CSMD1: variants seen among roughly 807,000 people sequenced by gnomAD.
CSMD1 encodes the protein CUB and Sushi multiple domains 1, also known as CUB and sushi domain-containing protein 1.
A neutral mutation model predicts 417.5 loss-of-function variants in CSMD1; 213 were observed. That is an observed-to-expected ratio of 0.51 (90% CI 0.46 to 0.57). The LOEUF (loss-of-function observed/expected upper bound fraction) is 0.57. CSMD1 is among the 20% of genes least tolerant of loss of function. CSMD1 has a pLI of 0.00. For missense variants in CSMD1, 6,923 were observed against 4,529.7 expected, an observed-to-expected ratio of 1.53 and a Z score of -15.17; for synonymous variants, 2,862 against 1,736.8, an observed-to-expected ratio of 1.65 and a Z score of -16.11.
At position 4,060,589 on chromosome 8, in the gene CSMD1, T is replaced by A. The variant is rs940219849; in HGVS notation, c.416-28490A>T. On this transcript the variant is annotated intron_variant, in intron 3 of 69. Transcript: ENST00000635120. ...AATGAGTTCCAGGGGAAGGTCATTC[T>A]GGGTTTCGGAACTGTCCCAGCCACC... Among the ~76,000 whole-genome samples, 5 of 152,320 alleles carry A rather than the reference T, an allele frequency of 3.3e-5. No homozygotes were observed. In the East Asian group the frequency reaches 9.7e-4, roughly 29 times the overall value.
At chr8:4,472,419 A>C (rs1222644047) in intron 2 of CSMD1, among the ~76,000 whole-genome samples, 2 of 152,102 alleles carry the variant, frequency 1.3e-5, no homozygotes, top group Non-Finnish European at 2.9e-5. Context: ...TTTTATTTTA[A>C]AGGTATATGT....
intron 30 of CSMD1, among the ~76,000 whole-genome samples, chr8:3,206,132 T>C (rs1170622484): frequency 3.9e-5 from 6 of 152,118 alleles, no homozygotes; most frequent in Non-Finnish European, 8.8e-5. Context: ...TTACTAATGC[T>C]TTTGGGGTCT....
chr8:3,917,324 A>C (rs1808898540), intron 5 of CSMD1, among the ~76,000 whole-genome samples: 1 of 152,066 alleles, frequency 6.6e-6, no homozygotes, highest in Non-Finnish European at 1.5e-5. Flanking sequence ...CTCAGGAGTG[A>C]ATGCTAAGTT....
At chr8:4,614,070 G>T (rs1292847784) in intron 2 of CSMD1, among the ~76,000 whole-genome samples, 2 of 152,078 alleles carry the variant, frequency 1.3e-5, no homozygotes, top group African/African-American at 4.8e-5. Flanking sequence ...ATAGAGCCAA[G>T]ATTTGACAGT....
At chr8:4,796,067 G>A (rs1350366486) in intron 1 of CSMD1, among the ~76,000 whole-genome samples, 1 of 152,106 alleles carries the variant, frequency 6.6e-6, no homozygotes, top group African/African-American at 2.4e-5. Context: ...AGAGCCACTG[G>A]CATTACAAAG....
chr8:4,292,623 A>G (rs1797436891), intron 3 of CSMD1, among the ~76,000 whole-genome samples: 1 of 152,070 alleles, frequency 6.6e-6, no homozygotes, highest in Admixed American at 6.6e-5. Flanking sequence ...ACATGTTGAT[A>G]TTTTCTGTGC....
At chr8:3,747,372 T>A (rs1406475606) in intron 6 of CSMD1, among the ~76,000 whole-genome samples, 1 of 131,278 alleles carries the variant, frequency 7.6e-6, no homozygotes, top group Non-Finnish European at 1.6e-5. Context: ...GTTCTGATCA[T>A]CTTTGAAAAC....
chr8:3,316,851 T>A (rs572039400), intron 23 of CSMD1, among the ~76,000 whole-genome samples: 17 of 152,124 alleles, frequency 1.1e-4, no homozygotes, highest in African/African-American at 4.1e-4. Context: ...ATATTCGTAT[T>A]TCAGAGAGAT....
chr8:3,243,029 A>T (rs570798051), intron 26 of CSMD1, among the ~76,000 whole-genome samples: 8 of 152,090 alleles, frequency 5.3e-5, no homozygotes, highest in Non-Finnish European at 1.0e-4. Flanking sequence ...CACGGATAAA[A>T]CGTGTCTCCT....
At chr8:3,335,366 G>A (rs535773475) in intron 23 of CSMD1, among the ~76,000 whole-genome samples, 1 of 152,274 alleles carries the variant, frequency 6.6e-6, no homozygotes, top group Non-Finnish European at 1.5e-5. Flanking sequence ...GACACAAATG[G>A]TCTCACATTT....
intron 8 of CSMD1, among the ~76,000 whole-genome samples, chr8:3,588,403 G>C (rs1331455985): frequency 3.9e-5 from 6 of 152,092 alleles, no homozygotes; most frequent in Non-Finnish European, 7.3e-5. Context: ...TGGAATTTCA[G>C]TGTGGCCACT....
In CSMD1 at chr8:4,777,362, G is replaced by A. The variant is rs572833757; in HGVS notation, c.86-139804C>T. ...GTGCCTTTGGTAGATGAGATGTCTG[G>A]TTTTGAGCTTGGGGATGATGAAGAG... On this transcript the variant is annotated intron_variant, in intron 1 of 69. Transcript: ENST00000635120. 1.1e-4 allele frequency among the ~76,000 whole-genome samples: 17 copies of A among 152,276 alleles called. No homozygotes were observed. In the East Asian group the frequency reaches 2.7e-3, roughly 24 times the overall value.
intron 12 of CSMD1, among the ~76,000 whole-genome samples, chr8:3,435,728 C>T (rs190252895): frequency 8.5e-5 from 13 of 152,306 alleles, no homozygotes; most frequent in African/African-American, 2.2e-4. Context: ...ACACCCTACA[C>T]GTCACTCAAT....
At chr8:4,876,761 G>C (rs1020176938) in intron 1 of CSMD1, among the ~76,000 whole-genome samples, 1 of 151,930 alleles carries the variant, frequency 6.6e-6, no homozygotes, top group African/African-American at 2.4e-5. Flanking sequence ...GTTTACATCT[G>C]GAGTCATTTC....
Position 2,998,194 on chromosome 8 carries a change from GAC to G in CSMD1, c.8204-12_8204-11del. ...TGACCACATGTGATGGCTGTAGAGA[GAC>G]AGGTCAACGTCATTGTTAAATATTG... On this transcript the variant is annotated splice_polypyrimidine_tract_variant and intron_variant, in intron 53 of 69. Coordinates refer to ENST00000635120, the MANE Select transcript of CSMD1 (RefSeq NM_033225.6). The G allele has an allele frequency of 6.2e-7, 1 of 1,613,272 alleles. No homozygotes were observed. The highest frequency in any genetic ancestry group is 8.5e-7 in the Non-Finnish European group (1 of 1,179,370).
chr8:4,541,575 C>T (rs973223421), intron 2 of CSMD1, among the ~76,000 whole-genome samples: 1 of 151,812 alleles, frequency 6.6e-6, no homozygotes, highest in Non-Finnish European at 1.5e-5. Flanking sequence ...TGGTAAAACC[C>T]TGTCTGTACT....
At chr8:4,633,359 G>C (rs1204814542) in intron 2 of CSMD1, among the ~76,000 whole-genome samples, 1 of 151,822 alleles carries the variant, frequency 6.6e-6, no homozygotes, top group African/African-American at 2.4e-5. Flanking sequence ...CCAGTCTCCT[G>C]CCTCACCCTC....
chr8:4,387,620 G>C (rs1032935253), intron 3 of CSMD1, among the ~76,000 whole-genome samples: 141 of 95,940 alleles, frequency 1.5e-3, no homozygotes, highest in African/African-American at 5.2e-3. Flanking sequence ...GTATTTTTAA[G>C]AATTTAATAT....
chr8:4,150,480 T>C (rs1042945856), intron 3 of CSMD1, among the ~76,000 whole-genome samples: 5 of 152,186 alleles, frequency 3.3e-5, no homozygotes, highest in African/African-American at 1.2e-4. Context: ...GCTAACAGAA[T>C]TTTTCACAAC....
Sources: allele counts gnomAD v4.1 joint callset (sites outside exome capture counted in the v4.1 genomes callset), GRCh38; gene constraint gnomAD v4.1.1; transcripts MANE v1.5; gene names NCBI Gene and HGNC (gene_info 2026-07-23, HGNC 2026-07-21).